The following BOP1 variants were observed in gnomAD, a reference collection of about 807,000 sequenced individuals.
The protein encoded by BOP1 is ribosome biogenesis protein BOP1.
In BOP1, 54 loss-of-function variants were observed where a neutral mutation model predicts 82.9. The ratio of observed to expected loss-of-function variants is 0.65; its 90% CI spans 0.52 to 0.82. The LOEUF (loss-of-function observed/expected upper bound fraction) is 0.82, where lower values mean the gene tolerates loss of function less well. Among genes scored for constraint, BOP1 ranks in the 40% least tolerant of loss-of-function variants. BOP1 has a pLI of 0.00. For missense variants in BOP1, 1,170 were observed against 1,072.0 expected (o/e 1.09, Z -1.28); for synonymous variants, 566 against 451.1 (o/e 1.25, Z -3.23).
At chr8:144,290,215 G>A (rs542643729) in intron 1 of BOP1, among the ~76,000 whole-genome samples, 17 of 151,962 alleles carry the variant, frequency 1.1e-4, no homozygotes, top group Admixed American at 1.0e-3. Context: ...AAATTAGCTG[G>A]TGGTGGCGGG....
At position 144,263,365 on chromosome 8, in the gene BOP1, C is replaced by T; in HGVS notation, c.1461G>A (p.Gly487=). 2 of 1,597,082 alleles carry T rather than the reference C, an allele frequency of 1.3e-6. No individual in the cohort carries two copies. The highest frequency in any genetic ancestry group is 8.5e-7 in the Non-Finnish European group (1 of 1,179,566). ...DSVLLLNPAL[G]DRLVAGSTDQ... Reference sequence around the variant, plus strand: ...CTGTGCTGCCCGCCACCAGCCGGTCCCCCAGAGCTGGGTTCAGCAGCAGCA... The same window carrying T: ...CTGTGCTGCCCGCCACCAGCCGGTCTCCCAGAGCTGGGTTCAGCAGCAGCA... The change falls in exon 12 of 16, where the codon GGG becomes GGA. Residue 487 remains glycine, a synonymous_variant. Coordinates refer to ENST00000569669, the MANE Select transcript of BOP1 (RefSeq NM_015201.5).
At chr8:144,276,649 C>A (rs112587712) in intron 2 of BOP1, among the ~76,000 whole-genome samples, 2 of 152,186 alleles carry the variant, frequency 1.3e-5, no homozygotes, top group Admixed American at 6.5e-5. Flanking sequence ...CCGCCAACCA[C>A]CCGTACCCCC....
At chr8:144,268,150 C>G in intron 3 of BOP1, 1 of 1,550,902 alleles carries the variant, frequency 6.4e-7, no homozygotes, top group Non-Finnish European at 8.7e-7. Context: ...TAGGAGGTGG[C>G]CGGCAGCAGC....
At chr8:144,289,923 C>A (rs1002351169) in intron 1 of BOP1, among the ~76,000 whole-genome samples, 3 of 152,210 alleles carry the variant, frequency 2.0e-5, no homozygotes, top group Non-Finnish European at 2.9e-5. Flanking sequence ...ACCGCAACCA[C>A]GCACCAACCC....
Position 144,264,574 on chromosome 8 carries a change from C to A in BOP1, c.706G>T (p.Val236Leu). ...CGCTTGTCGGCCGGGCGGTTGGTCA[C>A]CGGGTGGATCATGACGTCCCCGCTG... ...FFSGDVMIHP[V>L]TNRPADKRSF... Residue 236 changes from valine (V) to leucine (L), a missense_variant, in exon 6 of 16, where the codon GTG becomes TTG. Physicochemically the swap from Val to Leu is conservative, Grantham distance 32. Coordinates refer to ENST00000569669, the MANE Select transcript of BOP1 (RefSeq NM_015201.5). 1 of 1,609,046 alleles carries A rather than the reference C, an allele frequency of 6.2e-7. No homozygotes were observed. Among genetic ancestry groups the A allele is most frequent in the South Asian group, 1.1e-5 (1 of 90,424 alleles).
At chr8:144,264,190 G>A in intron 7 of BOP1, 35 bp downstream of exon 7, 4 of 1,608,804 alleles carry the variant, frequency 2.5e-6, no homozygotes, top group Non-Finnish European at 3.4e-6. Context: ...GGGAAGCATG[G>A]GGACAGGGTC....
At chr8:144,262,824 C>A in intron 13 of BOP1, 29 bp downstream of exon 13, 1 of 801,798 alleles carries the variant, frequency 1.2e-6, no homozygotes, top group Non-Finnish European at 1.8e-6. Flanking sequence ...CACCCCTCAC[C>A]TGCAGGGTGC....
rs1384067355 is a variant in BOP1 at position 144,276,488 on chromosome 8, G to A, written c.310-184C>T. The stretch of plus-strand genomic sequence containing the variant: ...CTGGGGGCTGTGGCTGGCACCCGGC[G>A]CCGCAGGTCCTGCCCACGGCCCTGT... On this transcript the variant is annotated intron_variant, in intron 2 of 15. Transcript: ENST00000569669. Among the ~76,000 whole-genome samples, 7 of 152,282 alleles carry A rather than the reference G, an allele frequency of 4.6e-5. No individual in the cohort carries two copies. In the South Asian group the frequency reaches 1.2e-3, roughly 27 times the overall value.
intron 2 of BOP1, among the ~76,000 whole-genome samples, chr8:144,284,872 A>G (rs997146270): frequency 6.6e-6 from 1 of 152,200 alleles, no homozygotes; most frequent in East Asian, 1.9e-4. Flanking sequence ...TGCAGCCAGA[A>G]GCACGCCCAC....
intron 12 of BOP1, 35 bp downstream of exon 12, chr8:144,263,186 C>T: frequency 1.3e-6 from 2 of 1,592,394 alleles, no homozygotes; most frequent in Non-Finnish European, 1.7e-6. Flanking sequence ...CGGGCCCCTC[C>T]CGCTGCAGCC....
At chr8:144,270,826 G>C (rs1325127075) in intron 3 of BOP1, among the ~76,000 whole-genome samples, 3 of 152,078 alleles carry the variant, frequency 2.0e-5, no homozygotes, top group Admixed American at 2.0e-4. Flanking sequence ...GTGCCCCACA[G>C]AGGCAGCTGG....
rs60868806 is a variant in BOP1 at position 144,283,201 on chromosome 8, C to CAAAAAA, written c.309+5888_309+5893dup. ...CGATAAGAGCAAAAAAACTCCATCT[C>CAAAAAA]AAAAAAAAAAAAAAAAAAAAAAAAG... is the stretch of plus-strand genomic sequence containing the variant. On this transcript the variant is annotated intron_variant, in intron 2 of 15. Transcript: ENST00000569669. Among the ~76,000 whole-genome samples the CAAAAAA allele has an allele frequency of 1.0e-3, 56 of 54,314 alleles. 1 individual carries two copies. The highest frequency in any genetic ancestry group is 2.2e-3 in the African/African-American group (16 of 7,346). 35.6% of individuals were successfully genotyped at this position (54,314 alleles called of 152,430 possible). A position where few individuals can be genotyped will look rare whatever the true frequency, so the allele number is the denominator to read the frequency against.
intron 3 of BOP1, among the ~76,000 whole-genome samples, chr8:144,271,824 G>A (rs777642094): frequency 4.6e-5 from 7 of 152,098 alleles, no homozygotes; most frequent in South Asian, 2.1e-4. Context: ...CCCGGCTCCC[G>A]CCAACCACGC....
intron 3 of BOP1, chr8:144,268,173 G>T: frequency 6.5e-7 from 1 of 1,549,872 alleles, no homozygotes. Context: ...GGAGGCAGAC[G>T]CTGCTGGGGG....
At chr8:144,266,502 G>A in intron 3 of BOP1, 1 of 987,434 alleles carries the variant, frequency 1.0e-6, no homozygotes, top group South Asian at 4.6e-5. Flanking sequence ...CCACCGCGGG[G>A]CGCAGCCGAG....
chr8:144,284,888 G>T (rs1399970009), intron 2 of BOP1, among the ~76,000 whole-genome samples: 1 of 152,224 alleles, frequency 6.6e-6, no homozygotes, highest in Non-Finnish European at 1.5e-5. Flanking sequence ...CCCACCCTGG[G>T]TCCACCCAGG....
rs982446491 is a variant in BOP1 at position 144,276,287 on chromosome 8, C to T, written c.327G>A (p.Pro109=). ...EEQVQASTPC[P]RTEMASARIG... is the part of the protein sequence containing the mutation. ...TCCGGGCGCTCGCCATCTCTGTCCT[C>T]GGGCAAGGAGTGCTGGCCTGCAGAG... Residue 109 remains proline, a synonymous_variant, in exon 3 of 16, where the codon CCG becomes CCA. Coordinates refer to ENST00000569669, the MANE Select transcript of BOP1 (RefSeq NM_015201.5). The T allele has an allele frequency of 9.4e-5, 151 of 1,613,508 alleles. 1 individual carries two copies. The highest frequency in any genetic ancestry group is 4.9e-4 in the African/African-American group (37 of 75,036).
chr8:144,268,031 G>GCAGGGAGGC lies in BOP1; in HGVS notation c.391-2969_391-2961dup. 1.9e-6 allele frequency: 3 copies of GCAGGGAGGC among 1,545,568 alleles called. No individual in the cohort carries two copies. In the South Asian group the frequency reaches 3.6e-5, roughly 18 times the overall value. ...CGCTGGCCACCTGAGATGGCACCCA[G>GCAGGGAGGC]CAGGGAGGCCAGAGAGGCGCAGACT... On this transcript the variant is annotated intron_variant, in intron 3 of 15. Transcript: ENST00000569669.
chr8:144,287,059 G>C (rs781880904), intron 2 of BOP1, among the ~76,000 whole-genome samples: 1 of 152,234 alleles, frequency 6.6e-6, no homozygotes, highest in Non-Finnish European at 1.5e-5. Context: ...ACCCAGACTG[G>C]AGTGCAGTGG....
Sources: allele counts gnomAD v4.1 joint callset (sites outside exome capture counted in the v4.1 genomes callset), GRCh38; gene constraint gnomAD v4.1.1; transcripts MANE v1.5; gene names NCBI Gene and HGNC (gene_info 2026-07-23, HGNC 2026-07-21).